Variants in NCOA6 observed in about 807,000 individuals in gnomAD.
NCOA6 encodes NRC RAP250.
A neutral mutation model predicts 171.4 loss-of-function variants in NCOA6; 49 were observed. The observed-to-expected ratio is 0.29, with a 90% confidence interval of 0.23 to 0.36. The LOEUF (loss-of-function observed/expected upper bound fraction) is 0.36, where lower values mean the gene tolerates loss of function less well. Ranked by LOEUF, NCOA6 falls within the 10% of genes least tolerant of loss-of-function variation. The pLI, the probability that NCOA6 is intolerant of heterozygous loss-of-function variation, is 1.00. For missense variants in NCOA6, 2,248 were observed against 2,554.5 expected (o/e 0.88, Z 2.59); for synonymous variants, 910 against 927.5 (o/e 0.98, Z 0.34).
chr20:34,741,756 A>C lies in NCOA6; in HGVS notation c.4500T>G (p.Ala1500=), dbSNP rs749232474. The part of the protein sequence containing the change: ...SLSQLLDNSG[A]PNVTIKPPGL... ...CAGGGGGTTTAATTGTCACATTGGG[A>C]GCTCCAGAGTTGTCAAGAAGTTGAC... The change falls in exon 11 of 15, where the codon GCT becomes GCG. Residue 1500 remains alanine, a synonymous_variant. Coordinates refer to ENST00000359003, the MANE Select transcript of NCOA6 (RefSeq NM_014071.5). 23 of 1,614,008 alleles carry C rather than the reference A, an allele frequency of 1.4e-5. No individual in the cohort carries two copies. The highest frequency in any genetic ancestry group is 1.9e-5 in the Non-Finnish European group (22 of 1,180,042).
At chr20:34,765,527 G>A (rs959129303) in intron 5 of NCOA6, among the ~76,000 whole-genome samples, 2 of 151,566 alleles carry the variant, frequency 1.3e-5, no homozygotes, top group Admixed American at 6.6e-5. Context: ...CTGACTACAT[G>A]TTCAATAGTG....
rs147058318 is a variant in NCOA6 at position 34,758,492 on chromosome 20, G to A, written c.643+313C>T. Among the ~76,000 whole-genome samples, 106 of 152,320 alleles carry A rather than the reference G, an allele frequency of 7.0e-4. 1 individual carries two copies. In the East Asian group the frequency reaches 0.02, roughly 29 times the overall value. On this transcript the variant is annotated intron_variant, in intron 6 of 14. Transcript: ENST00000359003. ...CCAATATGTTACTTTTGAATCTCCAGGAGGGAGGGTAAAGAATGATGCATT... is the reference window on the plus strand; with the variant it reads ...CCAATATGTTACTTTTGAATCTCCAAGAGGGAGGGTAAAGAATGATGCATT...
At chr20:34,776,260 T>C in intron 4 of NCOA6, 33 bp downstream of exon 4, 1 of 1,603,206 alleles carries the variant, frequency 6.2e-7, no homozygotes, top group South Asian at 1.1e-5. Context: ...GTAATGATTC[T>C]GGTCTAGATG....
In NCOA6 at chr20:34,784,974, G is replaced by A. The variant is rs376344749; in HGVS notation, c.-49-2570C>T. Among the ~76,000 whole-genome samples, 181 of 151,846 alleles carry A rather than the reference G, an allele frequency of 1.2e-3. 6 individuals carry two copies. The South Asian group carries it at 0.037, about 31-fold the overall frequency. ...CAGGCGCCTATAATCCCAGCTACTT[G>A]GGAGGCTGAGGCAGGAGAATCACTT... On this transcript the variant is annotated intron_variant, in intron 2 of 14. Transcript: ENST00000359003.
chr20:34,718,175 G>A (rs1325950445), intron 14 of NCOA6, among the ~76,000 whole-genome samples: 2 of 152,156 alleles, frequency 1.3e-5, no homozygotes, highest in Non-Finnish European at 2.9e-5. Context: ...GGAGAAGGAT[G>A]TAAACTTTCA....
rs750971702 is a variant in NCOA6, at chr20:34,727,307, G to A, written c.6100C>T (p.His2034Tyr). 1.2e-6 allele frequency: 2 copies of A among 1,614,194 alleles called. No homozygotes were observed. The highest frequency in any genetic ancestry group is 1.7e-6 in the Non-Finnish European group (2 of 1,180,034). Residue 2034 changes from histidine (H) to tyrosine (Y), a missense_variant, in exon 14 of 15, where the codon CAT (histidine) becomes TAT (tyrosine). Around this residue, in one of 7 missense-constraint regions of NCOA6, gnomAD observed 884 missense variants for 941.9 expected, o/e 0.94. Transcript: ENST00000359003. ...TVASESVENG[H>Y]RKRSSRPASA... Reference sequence around the variant, plus strand: ...GCAGGTCGAGAAGATCGTTTACGATGTCCATTTTCCACACTTTCAGAGGCC... The same window carrying A: ...GCAGGTCGAGAAGATCGTTTACGATATCCATTTTCCACACTTTCAGAGGCC...
rs142330777 is a variant in NCOA6 at position 34,715,150 on chromosome 20, C to A, written c.*172G>T. ...AACTCGCAACACCAAAAGGGCTCAACAGTCCTGCTTTCCCCATTGCACTTT... is the reference window on the plus strand; with the variant it reads ...AACTCGCAACACCAAAAGGGCTCAAAAGTCCTGCTTTCCCCATTGCACTTT... On this transcript the variant is annotated 3_prime_UTR_variant, in exon 15 of 15. Coordinates refer to ENST00000359003, the MANE Select transcript of NCOA6 (RefSeq NM_014071.5). 1.3e-6 allele frequency: 1 copy of A among 748,460 alleles called. No homozygotes were observed. Among genetic ancestry groups the A allele is most frequent in the African/African-American group, 1.8e-5 (1 of 56,544 alleles). The allele number at this position is 748,460 out of a possible 1,614,324, so 46.4% of individuals were successfully genotyped here.
chr20:34,785,058 G>T (rs1003161179), intron 2 of NCOA6, among the ~76,000 whole-genome samples: 5 of 151,900 alleles, frequency 3.3e-5, no homozygotes, highest in African/African-American at 1.2e-4. Flanking sequence ...TCCAGCCTAG[G>T]GGACAAGAGC....
Position 34,749,881 on chromosome 20 carries a change from G to A in NCOA6, c.2314C>T (p.Pro772Ser). Residue 772 changes from proline (P) to serine (S), a missense_variant, in exon 9 of 15, where the codon CCT (proline) becomes TCT (serine). Pro to Ser is a moderately conservative substitution (Grantham distance 74). Transcript: ENST00000359003. ...ACCTGAGATGGACTGTTGTTCACAG[G>A]CCCTTGCTGGGGCAGCATCTGTCCT... ...MSGQMLPQQG[P>S]VNNSPSQVMG... 1 of 1,614,264 alleles carries A rather than the reference G, an allele frequency of 6.2e-7. No individual in the cohort carries two copies. Among genetic ancestry groups the A allele is most frequent in the Non-Finnish European group, 8.5e-7 (1 of 1,180,052 alleles).
Position 34,742,108 on chromosome 20 carries a change from T to C in NCOA6, c.4148A>G (p.Asn1383Ser), listed in dbSNP as rs779565581. 10 of 1,613,990 alleles carry C rather than the reference T, an allele frequency of 6.2e-6. No homozygotes were observed. In the African/African-American group the frequency reaches 9.3e-5, roughly 15 times the overall value. The stretch of plus-strand genomic sequence containing the variant: ...AGGAAAGCTCCCAGGTACAGGGGGA[T>C]TGGCCAGAGGAGTGGGACTGACCAA... ...NVLVSPTPLANPPVPGSFPNN... is the reference protein window; with the variant it reads ...NVLVSPTPLASPPVPGSFPNN... The change falls in exon 11 of 15, where the codon AAT (asparagine) becomes AGT (serine). Residue 1383 changes from asparagine to serine, a missense_variant. Coordinates refer to ENST00000359003, the MANE Select transcript of NCOA6 (RefSeq NM_014071.5).
intron 2 of NCOA6, among the ~76,000 whole-genome samples, chr20:34,789,170 G>C (rs986996354): frequency 1.3e-5 from 2 of 152,184 alleles, no homozygotes; most frequent in Non-Finnish European, 2.9e-5. Context: ...AACAAACTTT[G>C]AGGGAACTAT....
At position 34,741,453 on chromosome 20, in the gene NCOA6, G is replaced by A; in HGVS notation, c.4803C>T (p.Val1601=). Reference sequence around the variant, plus strand: ...CTGAAGTTGTGATGGGATTGGAAGTGACAAATACAGTTATTTGATTTGGGG... The same window carrying A: ...CTGAAGTTGTGATGGGATTGGAAGTAACAAATACAGTTATTTGATTTGGGG... ...PLPPNQITVF[V]TSNPITTSAN... is the part of the protein sequence containing the mutation. Residue 1601 remains valine (V), a synonymous_variant, in exon 11 of 15, where the codon GTC becomes GTT. Transcript: ENST00000359003. The A allele has an allele frequency of 1.2e-6, 2 of 1,614,176 alleles. No homozygotes were observed. Among genetic ancestry groups the A allele is most frequent in the Non-Finnish European group, 1.7e-6 (2 of 1,180,028 alleles).
chr20:34,789,957 G>A (rs6060049), intron 2 of NCOA6, among the ~76,000 whole-genome samples: 105 of 151,440 alleles, frequency 6.9e-4, no homozygotes, highest in African/African-American at 2.4e-3. Flanking sequence ...AAGGCCGGGC[G>A]GGCACAGTGG....
chr20:34,777,820 T>C (rs1322765889), intron 3 of NCOA6, among the ~76,000 whole-genome samples: 1 of 152,190 alleles, frequency 6.6e-6, no homozygotes, highest in Non-Finnish European at 1.5e-5. Context: ...ATAGCAGCAT[T>C]ACCCACAATA....
rs760465329 is a variant in NCOA6 at position 34,742,450 on chromosome 20, C to A, written c.3806G>T (p.Gly1269Val). The change falls in exon 11 of 15, where the codon GGC (glycine) becomes GTC (valine). Residue 1269 changes from glycine to valine, a missense_variant. Transcript: ENST00000359003. ...PLPPRPNLNR[G>V]FDQQGLNPTT... is the part of the protein sequence containing the mutation. ...TGGATTTAGGCCTTGTTGATCAAAGCCCCTGTTTAAATTTGGCCTAGGAGG... is the reference window on the plus strand; with the variant it reads ...TGGATTTAGGCCTTGTTGATCAAAGACCCTGTTTAAATTTGGCCTAGGAGG... The A allele has an allele frequency of 7.4e-6, 12 of 1,614,158 alleles. No homozygotes were observed. Among genetic ancestry groups the A allele is most frequent in the Middle Eastern group, 1.6e-4 (1 of 6,062 alleles).
At chr20:34,784,676 G>A (rs1261677030) in intron 2 of NCOA6, among the ~76,000 whole-genome samples, 4 of 152,158 alleles carry the variant, frequency 2.6e-5, no homozygotes, top group African/African-American at 9.7e-5. Flanking sequence ...AGCTACTCAG[G>A]AGGCTGAGGC....
rs751747326 is a variant in NCOA6 at position 34,742,298 on chromosome 20, C to G, written c.3958G>C (p.Ala1320Pro). 1.9e-6 allele frequency: 3 copies of G among 1,614,210 alleles called. No homozygotes were observed. The highest frequency in any genetic ancestry group is 2.5e-6 in the Non-Finnish European group (3 of 1,180,036). Residue 1320 changes from alanine (A) to proline (P), a missense_variant, in exon 11 of 15, where the codon GCA (alanine) becomes CCA (proline). Ala to Pro is a conservative substitution (Grantham distance 27). Coordinates refer to ENST00000359003, the MANE Select transcript of NCOA6 (RefSeq NM_014071.5). ...VNSGKQSNSG[A>P]TKRASPSNSR... is the part of the protein sequence containing the mutation. Reference sequence around the variant, plus strand: ...TTGCTTGGACTTGCCCGTTTTGTTGCTCCAGAATTAGACTGCTTTCCAGAA... The same window carrying G: ...TTGCTTGGACTTGCCCGTTTTGTTGGTCCAGAATTAGACTGCTTTCCAGAA...
At position 34,749,690 on chromosome 20, in the gene NCOA6, G is replaced by C. The variant is rs770924024; in HGVS notation, c.2505C>G (p.Ala835=). Residue 835 remains alanine (A), a synonymous_variant, in exon 9 of 15, where the codon GCC becomes GCG. Transcript: ENST00000359003. ...QTNMVPPHVQ[A]MQGNSASGNH... ...TTCCCGAGGCACTGTTTCCCTGCAT[G>C]GCCTGCACATGAGGGGGGACCATGT... The C allele has an allele frequency of 7.4e-6, 12 of 1,614,052 alleles. No individual in the cohort carries two copies. The East Asian group carries it at 2.7e-4, about 36-fold the overall frequency.
At position 34,758,893 on chromosome 20, in the gene NCOA6, G is replaced by A; in HGVS notation, c.555C>T (p.Pro185=). 1 of 1,613,870 alleles carries A rather than the reference G, an allele frequency of 6.2e-7. No individual in the cohort carries two copies. Among genetic ancestry groups the A allele is most frequent in the Non-Finnish European group, 8.5e-7 (1 of 1,179,924 alleles). ...RMNNPATVMI[P]PGGNVSSSMM... ...TGGAAGATGACACATTTCCACCCGGGGGTATCATAACAGTGGCAGGGTTGT... is the reference window on the plus strand; with the variant it reads ...TGGAAGATGACACATTTCCACCCGGAGGTATCATAACAGTGGCAGGGTTGT... The change falls in exon 6 of 15, where the codon CCC becomes CCT. Residue 185 remains proline, a synonymous_variant. Transcript: ENST00000359003.
Sources: allele counts gnomAD v4.1 joint callset (sites outside exome capture counted in the v4.1 genomes callset), GRCh38; gene constraint gnomAD v4.1.1; regional missense constraint gnomAD v4.1.1; transcripts MANE v1.5; gene names NCBI Gene and HGNC (gene_info 2026-07-23, HGNC 2026-07-21).